Variants in RABGAP1L observed in about 807,000 individuals in gnomAD.
RABGAP1L encodes the protein RAB GTPase activating protein 1 like.
RABGAP1L carries 63 observed loss-of-function variants against 137.7 expected under a neutral mutation model. The ratio of observed to expected loss-of-function variants is 0.46; its 90% CI spans 0.37 to 0.56. RABGAP1L has a LOEUF of 0.56. RABGAP1L is among the 20% of genes least tolerant of loss of function. The pLI, the probability that RABGAP1L is intolerant of heterozygous loss-of-function variation, is 0.00. For synonymous variants in RABGAP1L, 431 were observed against 433.7 expected (o/e 0.99, Z 0.08); for missense variants, 1,095 against 1,244.0 (o/e 0.88, Z 1.80).
At chr1:174,571,582 A>T (rs1460240826) in intron 13 of RABGAP1L, among the ~76,000 whole-genome samples, 1 of 152,048 alleles carries the variant, frequency 6.6e-6, no homozygotes, top group Non-Finnish European at 1.5e-5. Context: ...AAAATAAAAA[A>T]ATTTTTAAAA....
chr1:174,196,286 C>T (rs1667683502), intron 1 of RABGAP1L, among the ~76,000 whole-genome samples: 1 of 149,056 alleles, frequency 6.7e-6, no homozygotes, highest in Non-Finnish European at 1.5e-5. Flanking sequence ...TGCAGTGGCA[C>T]GATCTTGGCT....
chr1:174,285,128 T>C (rs1403856662), intron 10 of RABGAP1L, among the ~76,000 whole-genome samples: 1 of 152,156 alleles, frequency 6.6e-6, no homozygotes, highest in African/African-American at 2.4e-5. Flanking sequence ...GCTATTCTCC[T>C]GCTTCAGCCT....
At chr1:174,452,797 G>A (rs12407901) in intron 13 of RABGAP1L, among the ~76,000 whole-genome samples, 6 of 151,962 alleles carry the variant, frequency 3.9e-5, no homozygotes, top group African/African-American at 1.2e-4. Flanking sequence ...TCCTGACCTC[G>A]TGATCTGCCT....
chr1:174,360,553 T>C (rs1684048212), intron 11 of RABGAP1L, among the ~76,000 whole-genome samples: 1 of 152,226 alleles, frequency 6.6e-6, no homozygotes, highest in Non-Finnish European at 1.5e-5. Context: ...CTTACTTAGA[T>C]GTTTTTAACA....
chr1:174,671,773 G>A (rs1677193090), intron 14 of RABGAP1L, among the ~76,000 whole-genome samples: 2 of 152,074 alleles, frequency 1.3e-5, no homozygotes, highest in South Asian at 4.1e-4. Context: ...TTCTTTTTTT[G>A]TTGTACCTTT....
chr1:174,769,516 C>T (rs1685945460), intron 18 of RABGAP1L, among the ~76,000 whole-genome samples: 1 of 152,166 alleles, frequency 6.6e-6, no homozygotes, highest in East Asian at 1.9e-4. Context: ...ATTCAAGCTC[C>T]TCTATCCCCC....
At chr1:174,406,477 A>T (rs998897182) in intron 13 of RABGAP1L, among the ~76,000 whole-genome samples, 31 of 152,226 alleles carry the variant, frequency 2.0e-4, no homozygotes, top group African/African-American at 7.5e-4. Flanking sequence ...ATTGTTGAGC[A>T]TAGATCATTT....
At chr1:174,316,579 T>C (rs746824985) in intron 11 of RABGAP1L, among the ~76,000 whole-genome samples, 3 of 152,148 alleles carry the variant, frequency 2.0e-5, no homozygotes, top group Non-Finnish European at 4.4e-5. Context: ...TCTTACTTTC[T>C]CCCAAACAAA....
chr1:174,363,300 T>C (rs1031551186), intron 11 of RABGAP1L, among the ~76,000 whole-genome samples: 6 of 152,184 alleles, frequency 3.9e-5, no homozygotes, highest in Non-Finnish European at 7.4e-5. Context: ...TTTAAAATAG[T>C]TTTTTTGTAG....
intron 17 of RABGAP1L, among the ~76,000 whole-genome samples, chr1:174,736,918 G>A (rs1055452764): frequency 1.2e-4 from 18 of 152,178 alleles, no homozygotes; most frequent in African/African-American, 1.9e-4. Context: ...ATGGGGCCCC[G>A]GGCCTGGCCC....
chr1:174,198,885 G>A (rs1436802591), intron 1 of RABGAP1L, among the ~76,000 whole-genome samples: 1 of 152,082 alleles, frequency 6.6e-6, no homozygotes, highest in Non-Finnish European at 1.5e-5. Flanking sequence ...GAGGCGGGTG[G>A]ATCACCTGAG....
chr1:174,865,530 A>G (rs1651048358), intron 19 of RABGAP1L, among the ~76,000 whole-genome samples: 1 of 152,224 alleles, frequency 6.6e-6, no homozygotes. Flanking sequence ...AAGAACTCCT[A>G]AGATATCATT....
At chr1:174,239,938 A>G (rs1671648433) in intron 4 of RABGAP1L, among the ~76,000 whole-genome samples, 1 of 152,254 alleles carries the variant, frequency 6.6e-6, no homozygotes, top group Admixed American at 6.5e-5. Context: ...TAAATTTAGA[A>G]AATTTTGGTA....
At chr1:174,348,433 A>G (rs904447142) in intron 11 of RABGAP1L, among the ~76,000 whole-genome samples, 1 of 146,850 alleles carries the variant, frequency 6.8e-6, no homozygotes, top group African/African-American at 2.7e-5. Flanking sequence ...TGTTGTTTCT[A>G]TTTATTTTTT....
At chr1:174,211,695 A>G (rs770815072) in intron 1 of RABGAP1L, among the ~76,000 whole-genome samples, 2 of 152,170 alleles carry the variant, frequency 1.3e-5, no homozygotes, top group Non-Finnish European at 2.9e-5. Context: ...GGCTGAATGT[A>G]TAAAAAACCA....
At chr1:174,708,132 CT>C (rs1178900731) in intron 17 of RABGAP1L, among the ~76,000 whole-genome samples, 1 of 152,130 alleles carries the variant, frequency 6.6e-6, no homozygotes, top group African/African-American at 2.4e-5. Context: ...TGCTTCTCTT[CT>C]CTTCTCAGGA....
intron 13 of RABGAP1L, among the ~76,000 whole-genome samples, chr1:174,445,159 T>A (rs993980128): frequency 2.6e-5 from 4 of 152,124 alleles, no homozygotes; most frequent in Admixed American, 1.3e-4. Context: ...ATCTTAATTT[T>A]CCTGGTGTAT....
chr1:174,243,712 T>G (rs2148567071), intron 5 of RABGAP1L, among the ~76,000 whole-genome samples: 1 of 152,316 alleles, frequency 6.6e-6, no homozygotes, highest in Admixed American at 6.5e-5. Flanking sequence ...CAGTTCTATT[T>G]TATGCTTATT....
chr1:174,448,183 T>C lies in RABGAP1L; in HGVS notation c.1710+54038T>C. 6.2e-7 allele frequency: 1 copy of C among 1,613,758 alleles called. No homozygotes were observed. ...GTGGCATTGTGAATGTGTCCGAGCG[T>C]CACTCCTGCCCACTTGGATTTGGCC... On this transcript the variant is annotated intron_variant, in intron 13 of 25. Coordinates refer to ENST00000681986, the MANE Select transcript of RABGAP1L (RefSeq NM_001366446.1). The surrounding 1 kb of genome is among the most constrained non-coding windows in gnomAD (Gnocchi z 4.2).
Sources: gnomAD v4.1 joint callset for allele counts (sites outside exome capture counted in the v4.1 genomes callset) on GRCh38, gnomAD v4.1.1 for gene constraint, Gnocchi (gnomAD v3.1) non-coding constraint, MANE v1.5 for transcripts, NCBI Gene and HGNC (gene_info 2026-07-23, HGNC 2026-07-21) for gene names.